CTNND2: variants seen among roughly 807,000 people sequenced by gnomAD.
CTNND2 encodes the protein catenin delta-2.
CTNND2 carries 22 observed loss-of-function variants against 144.4 expected under a neutral mutation model. The observed-to-expected ratio is 0.15, with a 90% confidence interval of 0.11 to 0.22. The LOEUF (loss-of-function observed/expected upper bound fraction) is 0.22, where lower values mean the gene tolerates loss of function less well. Ranked by LOEUF, CTNND2 falls within the 10% of genes least tolerant of loss-of-function variation. The probability of loss-of-function intolerance (pLI) is 1.00; values close to 1 mark genes in which losing one functional copy is unlikely to be tolerated. For missense variants in CTNND2, 1,353 were observed against 1,618.8 expected (o/e 0.84, Z 2.82); for synonymous variants, 751 against 695.6 (o/e 1.08, Z -1.25).
chr5:11,460,612 T>C (rs1313639259), intron 3 of CTNND2, among the ~76,000 whole-genome samples: 2 of 152,158 alleles, frequency 1.3e-5, no homozygotes, highest in African/African-American at 2.4e-5. Context: ...GCTCAGGCTA[T>C]TCTAGTCTGG....
chr5:11,253,501 G>C (rs927548203), intron 9 of CTNND2, among the ~76,000 whole-genome samples: 10 of 152,118 alleles, frequency 6.6e-5, no homozygotes, highest in Admixed American at 2.6e-4. Context: ...CTTTTGCTTG[G>C]CTCTCATTCT....
chr5:11,182,628 C>G (rs1395881636), intron 11 of CTNND2, among the ~76,000 whole-genome samples: 1 of 152,116 alleles, frequency 6.6e-6, no homozygotes, highest in African/African-American at 2.4e-5. Context: ...GCCATGTCCC[C>G]CAAGGATTGG....
chr5:11,602,750 AAT>A (rs1192461851), intron 2 of CTNND2, among the ~76,000 whole-genome samples: 2 of 145,264 alleles, frequency 1.4e-5, no homozygotes, highest in Non-Finnish European at 3.0e-5. Context: ...TATTATATAT[AAT>A]AGATATATTA....
chr5:11,627,368 C>T (rs1781211016), intron 2 of CTNND2, among the ~76,000 whole-genome samples: 1 of 152,158 alleles, frequency 6.6e-6, no homozygotes, highest in African/African-American at 2.4e-5. Context: ...CAGATGCTCT[C>T]TATTGTGCCC....
chr5:11,404,653 T>C (rs1478510351), intron 5 of CTNND2, among the ~76,000 whole-genome samples: 2 of 134,748 alleles, frequency 1.5e-5, no homozygotes, highest in Non-Finnish European at 3.2e-5. Flanking sequence ...AGTCTGGCTC[T>C]ATTGCCAGAG....
intron 3 of CTNND2, among the ~76,000 whole-genome samples, chr5:11,472,866 G>A (rs1208903411): frequency 5.3e-5 from 8 of 152,106 alleles, no homozygotes; most frequent in Admixed American, 6.6e-5. Context: ...TCCTAGTCTC[G>A]TCTAAGAGGA....
At chr5:11,137,158 C>T (rs1015648991) in intron 12 of CTNND2, among the ~76,000 whole-genome samples, 4 of 152,190 alleles carry the variant, frequency 2.6e-5, no homozygotes, top group African/African-American at 7.2e-5. Context: ...CCATAAATAA[C>T]ATACTTATTC....
intron 7 of CTNND2, among the ~76,000 whole-genome samples, chr5:11,369,884 C>G (rs943396422): frequency 1.3e-5 from 2 of 152,082 alleles, no homozygotes. Context: ...GGTTCTCAGG[C>G]GGAGGGAACC....
At chr5:11,853,294 G>T (rs1390590820) in intron 1 of CTNND2, among the ~76,000 whole-genome samples, 3 of 151,982 alleles carry the variant, frequency 2.0e-5, no homozygotes, top group African/African-American at 4.8e-5. Context: ...GCTCTTCCTG[G>T]GTCTTTGTGT....
chr5:11,216,472 G>A (rs1329321602), intron 10 of CTNND2, among the ~76,000 whole-genome samples: 1 of 152,244 alleles, frequency 6.6e-6, no homozygotes, highest in Non-Finnish European at 1.5e-5. Context: ...ACCAGCCATT[G>A]CTGGCTTTGA....
At chr5:11,625,193 A>G (rs1329771270) in intron 2 of CTNND2, among the ~76,000 whole-genome samples, 1 of 152,084 alleles carries the variant, frequency 6.6e-6, no homozygotes, top group Non-Finnish European at 1.5e-5. Context: ...CTTCATAGGA[A>G]AATGACTTGG....
At chr5:11,057,762 T>G (rs1472072580) in intron 16 of CTNND2, among the ~76,000 whole-genome samples, 6 of 152,214 alleles carry the variant, frequency 3.9e-5, no homozygotes, top group African/African-American at 1.4e-4. Context: ...TGGGAAAGTT[T>G]GGAACTTCCT....
At chr5:11,590,653 AACACCCTCCCCACCCTTGTGACAAT>A (rs1779181258) in intron 2 of CTNND2, among the ~76,000 whole-genome samples, 1 of 151,544 alleles carries the variant, frequency 6.6e-6, no homozygotes, top group Non-Finnish European at 1.5e-5. Context: ...TGTACTTTGT[AACACCCTCCCCACCCTTGTGACAAT>A]ACACCCTCCC....
intron 2 of CTNND2, among the ~76,000 whole-genome samples, chr5:11,629,879 C>T (rs1372666889): frequency 1.3e-5 from 2 of 151,870 alleles, no homozygotes; most frequent in Non-Finnish European, 2.9e-5. Flanking sequence ...ATCAAATAGG[C>T]TATGATACGT....
chr5:11,729,174 A>C (rs2126735451), intron 2 of CTNND2, among the ~76,000 whole-genome samples: 1 of 146,968 alleles, frequency 6.8e-6, no homozygotes, highest in African/African-American at 2.6e-5. Flanking sequence ...CCCTCCCCAA[A>C]TTACTTATGT....
chr5:11,039,702 G>T (rs149763266), intron 16 of CTNND2, among the ~76,000 whole-genome samples: 1 of 152,124 alleles, frequency 6.6e-6, no homozygotes, highest in African/African-American at 2.4e-5. Flanking sequence ...ATGGGCAGAG[G>T]ATAAGACAAA....
At chr5:11,435,146 T>TTTATTTAC (rs1554057786) in intron 3 of CTNND2, among the ~76,000 whole-genome samples, 1 of 150,204 alleles carries the variant, frequency 6.7e-6, no homozygotes, top group African/African-American at 2.5e-5. Flanking sequence ...TATTTATTTA[T>TTTATTTAC]TTAATTTTTT....
At chr5:11,485,352 T>C (rs1449707559) in intron 3 of CTNND2, among the ~76,000 whole-genome samples, 2 of 125,034 alleles carry the variant, frequency 1.6e-5, no homozygotes, top group Non-Finnish European at 3.7e-5. Flanking sequence ...AGACTGTGTG[T>C]GTGTGTGTGT....
At chr5:11,131,143 C>T (rs1755553859) in intron 12 of CTNND2, among the ~76,000 whole-genome samples, 2 of 152,174 alleles carry the variant, frequency 1.3e-5, no homozygotes, top group Admixed American at 1.3e-4. Flanking sequence ...AAAATTATTT[C>T]TGCTCAACCA....
Sources: gnomAD v4.1 joint callset for allele counts (sites outside exome capture counted in the v4.1 genomes callset) on GRCh38, gnomAD v4.1.1 for gene constraint, MANE v1.5 for transcripts, NCBI Gene and HGNC (gene_info 2026-07-23, HGNC 2026-07-21) for gene names.